USP33: variants seen among roughly 807,000 people sequenced by gnomAD.
USP33 encodes the protein ubiquitin specific peptidase 33, also known as ubiquitin carboxyl-terminal hydrolase 33.
USP33 carries 46 observed loss-of-function variants against 124.2 expected under a neutral mutation model. The ratio of observed to expected loss-of-function variants is 0.37; its 90% CI spans 0.29 to 0.47. The LOEUF (loss-of-function observed/expected upper bound fraction) is 0.47, where lower values mean the gene tolerates loss of function less well. Among genes scored for constraint, USP33 ranks in the 20% least tolerant of loss-of-function variants. The pLI is 0.99. For missense variants in USP33, 851 were observed against 1,070.6 expected (o/e 0.79, Z 2.86); for synonymous variants, 350 against 352.3 (o/e 0.99, Z 0.07).
In USP33 at chr1:77,723,395, C is replaced by T; in HGVS notation, c.1325G>A (p.Ser442Asn). The T allele has an allele frequency of 6.2e-7, 1 of 1,613,188 alleles. No homozygotes were observed. Among genetic ancestry groups the T allele is most frequent in the Non-Finnish European group, 8.5e-7 (1 of 1,179,712 alleles). Residue 442 changes from serine (S) to asparagine (N), a missense_variant, in exon 12 of 24, where the codon AGT becomes AAT. Ser to Asn is a conservative substitution (Grantham distance 46). Coordinates refer to ENST00000370794, the MANE Select transcript of USP33 (RefSeq NM_201624.3). ...KRKKQHKKYR[S>N]VISDIFDGTI... is the part of the protein sequence containing the mutation. Reference sequence around the variant, plus strand: ...TCCATCAAATATGTCTGAAATAACACTTCTGTATTTCTTGTGCTGTTTTTT... The same window carrying T: ...TCCATCAAATATGTCTGAAATAACATTTCTGTATTTCTTGTGCTGTTTTTT...
In USP33 at chr1:77,750,652, GAAAGAAAGAAA is replaced by G. The variant is rs1680228189; in HGVS notation, c.-51-8915_-51-8905del. Among the ~76,000 whole-genome samples, 4 of 147,850 alleles carry G rather than the reference GAAAGAAAGAAA, an allele frequency of 2.7e-5. No individual in the cohort carries two copies. The East Asian group carries it at 6.1e-4, about 22-fold the overall frequency. On this transcript the variant is annotated intron_variant, in intron 1 of 23. Transcript: ENST00000370794. ...AGAAAGAAAGAAAGAAAGAAAGAAA[GAAAGAAAGAAA>G]GAAAGAAAGAAAGAAAGAAAGAAAA...
chr1:77,755,666 C>A (rs1007945652), intron 1 of USP33, among the ~76,000 whole-genome samples: 9 of 152,288 alleles, frequency 5.9e-5, no homozygotes, highest in African/African-American at 2.2e-4. Context: ...CCACTGCACG[C>A]CAGGCTGGGC....
chr1:77,721,267 T>C, intron 14 of USP33, 62 bp from the exon 15 acceptor site: 3 of 1,586,804 alleles, frequency 1.9e-6, no homozygotes, highest in Non-Finnish European at 1.7e-6. Context: ...ATTATGGTCC[T>C]GTAATTATTT....
intron 12 of USP33, 174 bp from the exon 13 acceptor site, chr1:77,722,370 CAAAAACA>C: frequency 3.4e-6 from 2 of 592,360 alleles, no homozygotes; most frequent in Non-Finnish European, 5.6e-6. Context: ...AAAAAAAAAA[CAAAAACA>C]AAAAACAAAA....
At chr1:77,732,398 G>A (rs1228371941) in intron 7 of USP33, among the ~76,000 whole-genome samples, 3 of 151,780 alleles carry the variant, frequency 2.0e-5, no homozygotes, top group Non-Finnish European at 4.4e-5. Flanking sequence ...ACTACTTCTT[G>A]CCTAAATCAT....
chr1:77,734,806 T>A (rs998365722), intron 6 of USP33, among the ~76,000 whole-genome samples: 1 of 152,192 alleles, frequency 6.6e-6, no homozygotes, highest in African/African-American at 2.4e-5. Context: ...CCCTTTTCCT[T>A]TCCATTTCAA....
chr1:77,701,315 C>A, intron 22 of USP33, 54 bp downstream of exon 22: 2 of 1,314,162 alleles, frequency 1.5e-6, no homozygotes, highest in South Asian at 2.5e-5. Context: ...AAATACTTGT[C>A]AAACAAAAAA....
chr1:77,706,464 C>T (rs1415059525), intron 21 of USP33, among the ~76,000 whole-genome samples: 6 of 152,144 alleles, frequency 3.9e-5, no homozygotes, highest in African/African-American at 1.4e-4. Flanking sequence ...GATTTGTAAA[C>T]ACCTATAACT....
intron 5 of USP33, among the ~76,000 whole-genome samples, chr1:77,737,754 G>A (rs985933021): frequency 2.0e-5 from 3 of 152,170 alleles, no homozygotes; most frequent in Non-Finnish European, 4.4e-5. Context: ...ATTTATTAAA[G>A]TTTGTAATCT....
intron 7 of USP33, among the ~76,000 whole-genome samples, chr1:77,733,584 C>CAAA (rs1480432304): frequency 6.6e-6 from 1 of 152,062 alleles, no homozygotes; most frequent in African/African-American, 2.4e-5. Context: ...ATCCCTAATA[C>CAAA]AAAATACAAA....
intron 1 of USP33, among the ~76,000 whole-genome samples, chr1:77,747,988 CA>C (rs1157471561): frequency 6.6e-6 from 1 of 152,202 alleles, no homozygotes; most frequent in Non-Finnish European, 1.5e-5. Context: ...AATCTGATTA[CA>C]GAGGCTAGAT....
chr1:77,731,023 T>C (rs1019181281), intron 7 of USP33, among the ~76,000 whole-genome samples: 3 of 152,204 alleles, frequency 2.0e-5, no homozygotes, highest in African/African-American at 2.4e-5. Flanking sequence ...CTCAGGACTA[T>C]TGTAATGCAT....
chr1:77,719,855 A>AG (rs1269024081), intron 15 of USP33, among the ~76,000 whole-genome samples: 2 of 115,940 alleles, frequency 1.7e-5, no homozygotes, highest in African/African-American at 8.6e-5. Context: ...CTCCCTCTCA[A>AG]GAAAAAAAAA....
intron 11 of USP33, 65 bp from the exon 12 acceptor site, chr1:77,723,508 T>C: frequency 9.1e-7 from 1 of 1,096,606 alleles, no homozygotes; most frequent in Non-Finnish European, 1.3e-6. Context: ...CTGGAATCTT[T>C]TTTTGTCTTG....
chr1:77,734,848 G>A (rs1678243476), intron 6 of USP33, among the ~76,000 whole-genome samples: 1 of 152,152 alleles, frequency 6.6e-6, no homozygotes, highest in Non-Finnish European at 1.5e-5. Flanking sequence ...TTTATGCCGG[G>A]CGCAGTGGCT....
At chr1:77,724,444 G>C (rs981509948) in intron 11 of USP33, among the ~76,000 whole-genome samples, 3 of 151,496 alleles carry the variant, frequency 2.0e-5, no homozygotes, top group Non-Finnish European at 2.9e-5. Context: ...AGAACTCTTT[G>C]TCTAACCCAA....
At chr1:77,758,100 G>C (rs946744893) in intron 1 of USP33, among the ~76,000 whole-genome samples, 23 of 150,924 alleles carry the variant, frequency 1.5e-4, no homozygotes, top group African/African-American at 5.3e-4. Context: ...TAAATAGGAA[G>C]CAATCTTAAG....
intron 21 of USP33, among the ~76,000 whole-genome samples, chr1:77,711,163 A>C (rs1240631668): frequency 6.6e-6 from 1 of 152,108 alleles, no homozygotes; most frequent in African/African-American, 2.4e-5. Context: ...GTAATTTTCC[A>C]TTTCAATAAG....
intron 1 of USP33, among the ~76,000 whole-genome samples, chr1:77,748,505 C>T (rs1365457792): frequency 6.6e-6 from 1 of 151,980 alleles, no homozygotes; most frequent in Admixed American, 6.6e-5. Flanking sequence ...CCCATCTCTA[C>T]TAAAAATACA....
Sources: allele counts gnomAD v4.1 joint callset (sites outside exome capture counted in the v4.1 genomes callset), GRCh38; gene constraint gnomAD v4.1.1; transcripts MANE v1.5; gene names NCBI Gene and HGNC (gene_info 2026-07-23, HGNC 2026-07-21).